Variants in SLCO1B1 observed in about 807,000 individuals in gnomAD.
SLCO1B1 encodes OATP-2.
Under a neutral mutation model 70.1 loss-of-function variants are expected in SLCO1B1, and 81 were observed. The ratio of observed to expected loss-of-function variants is 1.16; its 90% CI spans 0.97 to 1.39. SLCO1B1 has a LOEUF of 1.39. Ranked by LOEUF, SLCO1B1 falls within the 40% of genes most tolerant of loss-of-function variation. The pLI, the probability that SLCO1B1 is intolerant of heterozygous loss-of-function variation, is 0.00. For missense variants in SLCO1B1, 895 were observed against 799.6 expected, an observed-to-expected ratio of 1.12 and a Z score of -1.44; for synonymous variants, 283 against 271.5, an observed-to-expected ratio of 1.04 and a Z score of -0.42.
In SLCO1B1 at chr12:21,223,249, T is replaced by C. The variant is rs375579970; in HGVS notation, c.1747+885T>C. Among the ~76,000 whole-genome samples, 3 of 152,294 alleles carry C rather than the reference T, an allele frequency of 2.0e-5. 1 individual carries two copies. Among genetic ancestry groups the C allele is most frequent in the African/African-American group, 7.2e-5 (3 of 41,576 alleles). ...ATCCTATTTCGATGTATCCAATCTG[T>C]GGCACGATGGAACCTAAATGCACCT... On this transcript the variant is annotated intron_variant, in intron 13 of 14. Transcript: ENST00000256958.
At chr12:21,207,907 AT>A (rs1007470974) in intron 11 of SLCO1B1, among the ~76,000 whole-genome samples, 1 of 151,760 alleles carries the variant, frequency 6.6e-6, no homozygotes, top group Non-Finnish European at 1.5e-5. Flanking sequence ...GATGTTAAAC[AT>A]TTTTATGTGT....
intron 2 of SLCO1B1, among the ~76,000 whole-genome samples, chr12:21,149,531 A>G (rs981329735): frequency 1.3e-5 from 2 of 152,148 alleles, no homozygotes; most frequent in Non-Finnish European, 1.5e-5. Context: ...CTGGTTAGAC[A>G]GTGGGTGCAG....
intron 4 of SLCO1B1, among the ~76,000 whole-genome samples, chr12:21,175,897 C>G (rs1940813498): frequency 6.6e-6 from 1 of 152,120 alleles, no homozygotes; most frequent in South Asian, 2.1e-4. Context: ...GGACCACAAT[C>G]TAGATCAGCA....
At position 21,141,629 on chromosome 12, in the gene SLCO1B1, A is replaced by G; in HGVS notation, c.55A>G (p.Lys19Glu). 1 of 1,608,264 alleles carries G rather than the reference A, an allele frequency of 6.2e-7. No homozygotes were observed. Among genetic ancestry groups the G allele is most frequent in the Non-Finnish European group, 8.5e-7 (1 of 1,175,706 alleles). The change falls in exon 2 of 15, where the codon AAG (lysine) becomes GAG (glutamate). Residue 19 changes from lysine (K) to glutamate (E), a missense_variant. Lys to Glu is a moderately conservative substitution (Grantham distance 56). Transcript: ENST00000256958. ...AGCAGAGGCACAACCTTCAGAGAAT[A>G]AGAAAACAAGATACTGCAATGGATT... Reference protein sequence around the residue: ...KTAEAQPSENKKTRYCNGLKM... With the variant: ...KTAEAQPSENEKTRYCNGLKM...
chr12:21,206,006 A>C lies in SLCO1B1; in HGVS notation c.1470A>C (p.Lys490Asn), dbSNP rs1213852850. The C allele has an allele frequency of 6.2e-7, 1 of 1,612,104 alleles. No homozygotes were observed. The highest frequency in any genetic ancestry group is 1.7e-5 in the Admixed American group (1 of 59,850). Residue 490 changes from lysine (K) to asparagine (N), a missense_variant, in exon 11 of 15, where the codon AAA becomes AAC. By Grantham distance (94) the Lys-to-Asn change is moderately conservative. Coordinates refer to ENST00000256958, the MANE Select transcript of SLCO1B1 (RefSeq NM_006446.5). ...TYISPCLAGC[K>N]SSSGNKKPIV... ...TCTCACCCTGTCTAGCAGGTTGCAA[A>C]TCTTCAAGTGGCAATAAAAAGCCTA...
At chr12:21,159,412 C>T (rs767519981) in intron 2 of SLCO1B1, among the ~76,000 whole-genome samples, 2 of 151,866 alleles carry the variant, frequency 1.3e-5, no homozygotes, top group African/African-American at 2.4e-5. Flanking sequence ...AACTTATATT[C>T]TATACCTGAA....
intron 8 of SLCO1B1, among the ~76,000 whole-genome samples, chr12:21,199,777 GT>G: frequency 6.6e-6 from 1 of 151,650 alleles, no homozygotes; most frequent in East Asian, 1.9e-4. Flanking sequence ...TTGTTTGTTT[GT>G]TTTTGGGTTT....
At position 21,214,610 on chromosome 12, in the gene SLCO1B1, G is replaced by C. The variant is rs1042156999; in HGVS notation, c.1498-2509G>C. ...TCCGCCCACTTCGAGCTTCCAGGCCGCTTTGTTTTTCCTAATCAAGCCTGG... is the reference window on the plus strand; with the variant it reads ...TCCGCCCACTTCGAGCTTCCAGGCCCCTTTGTTTTTCCTAATCAAGCCTGG... On this transcript the variant is annotated intron_variant, in intron 11 of 14. Transcript: ENST00000256958. Among the ~76,000 whole-genome samples, 3 of 129,598 alleles carry C rather than the reference G, an allele frequency of 2.3e-5. No individual in the cohort carries two copies. The East Asian group carries it at 7.9e-4, about 34-fold the overall frequency. The allele number at this position is 129,598 out of a possible 152,430, so 85.0% of individuals were successfully genotyped here.
intron 2 of SLCO1B1, among the ~76,000 whole-genome samples, chr12:21,153,955 G>A (rs545795100): frequency 6.6e-6 from 1 of 152,092 alleles, no homozygotes; most frequent in East Asian, 1.9e-4. Flanking sequence ...AAAAAGCACA[G>A]AGGTAAATTT....
At chr12:21,220,199 A>G (rs1389592308) in intron 12 of SLCO1B1, among the ~76,000 whole-genome samples, 1 of 152,102 alleles carries the variant, frequency 6.6e-6, no homozygotes. Flanking sequence ...ACAAAATGGG[A>G]AAGACTAAGA....
intron 11 of SLCO1B1, among the ~76,000 whole-genome samples, chr12:21,207,025 G>A (rs1244097170): frequency 2.0e-5 from 3 of 151,842 alleles, no homozygotes; most frequent in Non-Finnish European, 4.4e-5. Flanking sequence ...GCACAAATAT[G>A]GCCCAAAGAC....
intron 1 of SLCO1B1, among the ~76,000 whole-genome samples, chr12:21,133,731 G>A (rs1459284184): frequency 6.6e-6 from 1 of 152,060 alleles, no homozygotes; most frequent in Non-Finnish European, 1.5e-5. Flanking sequence ...GGAAATTTTG[G>A]GCTGAGATGA....
chr12:21,202,098 C>A (rs1264835067), intron 9 of SLCO1B1, among the ~76,000 whole-genome samples: 1 of 152,038 alleles, frequency 6.6e-6, no homozygotes, highest in Non-Finnish European at 1.5e-5. Flanking sequence ...TCTCAGCAAA[C>A]TAACACAGGA....
At chr12:21,190,497 G>T (rs1941017707) in intron 7 of SLCO1B1, among the ~76,000 whole-genome samples, 2 of 152,096 alleles carry the variant, frequency 1.3e-5, no homozygotes, top group South Asian at 4.1e-4. Context: ...CTGGCTTCTG[G>T]TAGCCACCAT....
At chr12:21,178,179 A>C (rs1940844003) in intron 5 of SLCO1B1, among the ~76,000 whole-genome samples, 1 of 152,074 alleles carries the variant, frequency 6.6e-6, no homozygotes, top group Non-Finnish European at 1.5e-5. Context: ...GGTTTCCCCC[A>C]TACTGTTCTC....
At chr12:21,225,165 GTA>G (rs1206523850) in intron 14 of SLCO1B1, among the ~76,000 whole-genome samples, 1 of 151,890 alleles carries the variant, frequency 6.6e-6, no homozygotes, top group Non-Finnish European at 1.5e-5. Context: ...CCTCATGTCA[GTA>G]TATATAAGGA....
intron 10 of SLCO1B1, among the ~76,000 whole-genome samples, chr12:21,203,277 T>C (rs1941178433): frequency 6.6e-6 from 1 of 152,110 alleles, no homozygotes; most frequent in Admixed American, 6.6e-5. Context: ...AGAAATATTC[T>C]ATATATAATT....
rs1452731583 is a variant in SLCO1B1, at chr12:21,203,724, C to G, written c.1331+1038C>G. On this transcript the variant is annotated intron_variant, in intron 10 of 14. Transcript: ENST00000256958. ...CTGTAGTAAATTAAAATACATTGTC[C>G]TAGAATACTGAATTTTAGAGGTAAA... Among the ~76,000 whole-genome samples the G allele has an allele frequency of 2.6e-5, 4 of 152,146 alleles. 1 individual carries two copies. The East Asian group carries it at 7.7e-4, about 29-fold the overall frequency.
At chr12:21,190,764 T>C (rs1250533334) in intron 7 of SLCO1B1, among the ~76,000 whole-genome samples, 1 of 152,114 alleles carries the variant, frequency 6.6e-6, no homozygotes, top group Non-Finnish European at 1.5e-5. Context: ...AGTGAGAACA[T>C]ACAGTATTTG....
Sources: allele counts gnomAD v4.1 joint callset (sites outside exome capture counted in the v4.1 genomes callset), GRCh38; gene constraint gnomAD v4.1.1; transcripts MANE v1.5; gene names NCBI Gene and HGNC (gene_info 2026-07-23, HGNC 2026-07-21).